The following KATNIP variants were observed in gnomAD, a reference collection of about 807,000 sequenced individuals.
KATNIP encodes katanin-interacting protein.
Under a neutral mutation model 174.0 loss-of-function variants are expected in KATNIP, and 126 were observed. That is an observed-to-expected ratio of 0.72 (90% CI 0.63 to 0.84). KATNIP has a LOEUF of 0.84. KATNIP is among the 40% of genes least tolerant of loss of function. The probability of loss-of-function intolerance (pLI) is 0.00; values close to 1 mark genes in which losing one functional copy is unlikely to be tolerated. For synonymous variants in KATNIP, 810 were observed against 835.7 expected, an observed-to-expected ratio of 0.97 and a Z score of 0.53; for missense variants, 1,958 against 2,109.7, an observed-to-expected ratio of 0.93 and a Z score of 1.41.
intron 1 of KATNIP, 30 bp downstream of exon 1, chr16:27,550,207 C>T (rs781213944): frequency 1.9e-6 from 3 of 1,605,278 alleles, no homozygotes; most frequent in Non-Finnish European, 2.6e-6. Context: ...TCCGGGAGGT[C>T]GGGCTGTTAT....
At chr16:27,669,907 C>T (rs2077832248) in intron 6 of KATNIP, among the ~76,000 whole-genome samples, 1 of 151,836 alleles carries the variant, frequency 6.6e-6, no homozygotes, top group Admixed American at 6.6e-5. Context: ...AGGCTGGTCT[C>T]GAATTCCTGG....
intron 4 of KATNIP, among the ~76,000 whole-genome samples, chr16:27,630,830 T>C (rs1056099826): frequency 6.6e-6 from 1 of 152,212 alleles, no homozygotes; most frequent in Admixed American, 6.5e-5. Flanking sequence ...ATATTATACA[T>C]ATTATTCCAT....
chr16:27,581,052 C>G (rs959117485), intron 2 of KATNIP, among the ~76,000 whole-genome samples: 12 of 151,876 alleles, frequency 7.9e-5, no homozygotes, highest in South Asian at 2.1e-4. Context: ...TATAGTGAAG[C>G]CCCATCTCTA....
Position 27,628,813 on chromosome 16 carries a change from A to G in KATNIP, c.293A>G (p.His98Arg), listed in dbSNP as rs2076403994. Residue 98 changes from histidine to arginine, a missense_variant, in exon 4 of 28, where the codon CAC becomes CGC. Coordinates refer to ENST00000261588, the MANE Select transcript of KATNIP (RefSeq NM_015202.5). Reference protein sequence around the residue: ...IHSDFSRSASHTEGTHDYGRR... With the variant: ...IHSDFSRSASRTEGTHDYGRR... ...TCTGACTTCTCCAGAAGTGCCTCCC[A>G]CACGGAGGGGACACACGGTGAGCAC... 3.1e-6 allele frequency: 5 copies of G among 1,614,156 alleles called. No homozygotes were observed. Among genetic ancestry groups the G allele is most frequent in the Non-Finnish European group, 4.2e-6 (5 of 1,180,010 alleles).
intron 5 of KATNIP, among the ~76,000 whole-genome samples, chr16:27,648,044 C>T (rs181874567): frequency 5.1e-4 from 77 of 152,218 alleles, no homozygotes; most frequent in Non-Finnish European, 8.4e-4. Flanking sequence ...CCTGTAATCT[C>T]AGCACTTGGG....
At chr16:27,743,615 G>A (rs1309394070) in intron 15 of KATNIP, among the ~76,000 whole-genome samples, 1 of 152,152 alleles carries the variant, frequency 6.6e-6, no homozygotes, top group Non-Finnish European at 1.5e-5. Flanking sequence ...GAACTGCAGT[G>A]ACCAGGTGCA....
intron 18 of KATNIP, among the ~76,000 whole-genome samples, chr16:27,758,272 A>G (rs940864240): frequency 2.4e-4 from 37 of 152,320 alleles, no homozygotes; most frequent in Non-Finnish European, 1.2e-4. Flanking sequence ...GAGTGGTGCC[A>G]CAGTTCCTCT....
chr16:27,767,147 A>G (rs2082153823), intron 20 of KATNIP, among the ~76,000 whole-genome samples: 1 of 152,030 alleles, frequency 6.6e-6, no homozygotes, highest in South Asian at 2.1e-4. Context: ...CAATGAGGCC[A>G]CCGAAAGGTA....
rs778480629 is a variant in KATNIP at position 27,701,630 on chromosome 16, C to A, written c.1221C>A (p.Ala407=). The A allele has an allele frequency of 6.2e-7, 1 of 1,607,216 alleles. No homozygotes were observed. Among genetic ancestry groups the A allele is most frequent in the Non-Finnish European group, 8.5e-7 (1 of 1,177,362 alleles). Residue 407 remains alanine, a synonymous_variant, in exon 11 of 28, where the codon GCC becomes GCA. Transcript: ENST00000261588. ...ITTATTTQEP[A]GAAGGARAIN... ...CGGCGACTACTACTCAGGAGCCGGC[C>A]GGGGCAGCAGGAGGAGCCAGGGCCA...
chr16:27,627,008 G>A (rs1047396933), intron 3 of KATNIP, among the ~76,000 whole-genome samples: 2 of 151,464 alleles, frequency 1.3e-5, no homozygotes, highest in Non-Finnish European at 2.9e-5. Context: ...TTATTGTGAA[G>A]AGTAACTTCT....
At chr16:27,623,606 C>T (rs997060513) in intron 3 of KATNIP, among the ~76,000 whole-genome samples, 5 of 152,066 alleles carry the variant, frequency 3.3e-5, no homozygotes, top group African/African-American at 7.2e-5. Context: ...CCTACATGTG[C>T]GGGCCACCAC....
intron 18 of KATNIP, among the ~76,000 whole-genome samples, chr16:27,757,817 G>C (rs1029493366): frequency 1.3e-5 from 2 of 152,110 alleles, no homozygotes; most frequent in African/African-American, 2.4e-5. Flanking sequence ...AAAGTGACCC[G>C]GGGGGAATGT....
Position 27,779,167 on chromosome 16 carries a change from G to C in KATNIP, c.*538G>C, listed in dbSNP as rs1398811563. 1 of 152,822 alleles carries C rather than the reference G, an allele frequency of 6.5e-6. No individual in the cohort carries two copies. Among genetic ancestry groups the C allele is most frequent in the Non-Finnish European group, 1.5e-5 (1 of 68,488 alleles). The allele number at this position is 152,822 out of a possible 1,614,324, so 9.5% of individuals were successfully genotyped here. A position where few individuals can be genotyped will look rare whatever the true frequency, so the allele number is the denominator to read the frequency against. Reference sequence around the variant, plus strand: ...TTTGGGGACTGGTGGAGCTGGCTGAGAGGTTGGGGTAGTTTCCTGGTTACA... The same window carrying C: ...TTTGGGGACTGGTGGAGCTGGCTGACAGGTTGGGGTAGTTTCCTGGTTACA... On this transcript the variant is annotated 3_prime_UTR_variant, in exon 28 of 28. Coordinates refer to ENST00000261588, the MANE Select transcript of KATNIP (RefSeq NM_015202.5).
intron 14 of KATNIP, among the ~76,000 whole-genome samples, chr16:27,732,561 C>A (rs1416874154): frequency 6.6e-6 from 1 of 152,142 alleles, no homozygotes; most frequent in Non-Finnish European, 1.5e-5. Flanking sequence ...GGTTGCAAGC[C>A]CAACCCCGAA....
chr16:27,612,245 G>A, intron 2 of KATNIP, among the ~76,000 whole-genome samples: 1 of 152,130 alleles, frequency 6.6e-6, no homozygotes, highest in East Asian at 1.9e-4. Context: ...CAGACAACAG[G>A]TACAGGCATC....
At chr16:27,716,845 C>T (rs556126921) in intron 13 of KATNIP, among the ~76,000 whole-genome samples, 25 of 147,410 alleles carry the variant, frequency 1.7e-4, no homozygotes, top group African/African-American at 3.9e-4. Flanking sequence ...ATACCATTTA[C>T]GTAGCATTTT....
intron 18 of KATNIP, among the ~76,000 whole-genome samples, chr16:27,756,816 G>T (rs1333422251): frequency 6.6e-6 from 1 of 152,144 alleles, no homozygotes; most frequent in Non-Finnish European, 1.5e-5. Context: ...ACACAGCTGC[G>T]TTCAGTTACG....
intron 6 of KATNIP, 91 bp from the exon 7 acceptor site, chr16:27,677,638 A>T: frequency 7.8e-7 from 1 of 1,285,566 alleles, no homozygotes. Context: ...GTTTGGGGAG[A>T]ATAATTCTTT....
chr16:27,709,022 A>G, intron 13 of KATNIP, 102 bp downstream of exon 13: 1 of 941,832 alleles, frequency 1.1e-6, no homozygotes, highest in Non-Finnish European at 1.6e-6. Context: ...AGGGAGGGGA[A>G]GAACAACAAA....
Sources: allele counts gnomAD v4.1 joint callset (sites outside exome capture counted in the v4.1 genomes callset), GRCh38; gene constraint gnomAD v4.1.1; transcripts MANE v1.5; gene names NCBI Gene and HGNC (gene_info 2026-07-23, HGNC 2026-07-21).